Variants in CYRIB observed in about 807,000 individuals in gnomAD.
The protein encoded by CYRIB is CYFIP related Rac1 interactor B.
In CYRIB, 8 loss-of-function variants were observed where a neutral mutation model predicts 44.2. The ratio of observed to expected loss-of-function variants is 0.18; its 90% CI spans 0.11 to 0.33. The LOEUF is 0.33. Among genes scored for constraint, CYRIB ranks in the 10% least tolerant of loss-of-function variants. The pLI, the probability that CYRIB is intolerant of heterozygous loss-of-function variation, is 1.00. For missense variants in CYRIB, 185 were observed against 382.8 expected (o/e 0.48, Z 4.31); for synonymous variants, 131 against 127.2 (o/e 1.03, Z -0.20).
At chr8:129,884,899 G>A (rs1666723659) in intron 2 of CYRIB, among the ~76,000 whole-genome samples, 1 of 152,042 alleles carries the variant, frequency 6.6e-6, no homozygotes, top group African/African-American at 2.4e-5. Context: ...TTGTTTCCAC[G>A]TTGACAACTT....
chr8:129,920,742 C>T (rs1563946136), intron 1 of CYRIB, among the ~76,000 whole-genome samples: 1 of 152,092 alleles, frequency 6.6e-6, no homozygotes, highest in Non-Finnish European at 1.5e-5. Flanking sequence ...AATTTAATAC[C>T]TTACAAAAAC....
chr8:129,999,466 G>A (rs1394027284), intron 1 of CYRIB, among the ~76,000 whole-genome samples: 4 of 152,230 alleles, frequency 2.6e-5, no homozygotes, highest in Non-Finnish European at 5.9e-5. Context: ...CGCACCCAAG[G>A]ACCAGATGCA....
At chr8:129,983,089 GT>G (rs1213869198) in intron 1 of CYRIB, among the ~76,000 whole-genome samples, 1 of 151,036 alleles carries the variant, frequency 6.6e-6, no homozygotes, top group East Asian at 1.9e-4. Flanking sequence ...AGAGAGGATT[GT>G]TTGAGCCCAG....
At chr8:130,015,300 C>T (rs1032178190) in intron 1 of CYRIB, among the ~76,000 whole-genome samples, 1 of 152,198 alleles carries the variant, frequency 6.6e-6, no homozygotes, top group Admixed American at 6.5e-5. Flanking sequence ...TTTCTAGGTG[C>T]TGGGGATGCA....
intron 2 of CYRIB, among the ~76,000 whole-genome samples, chr8:129,963,404 G>A (rs1323959553): frequency 6.6e-6 from 1 of 152,206 alleles, no homozygotes; most frequent in Non-Finnish European, 1.5e-5. Flanking sequence ...ATGAAGCAAG[G>A]TGATCCATAC....
intron 9 of CYRIB, chr8:129,849,703 T>C (rs1004546545): frequency 5.0e-6 from 1 of 199,258 alleles, no homozygotes; most frequent in Non-Finnish European, 1.0e-5. Context: ...AGATGGTGAG[T>C]GGAACAGTCA....
intron 2 of CYRIB, among the ~76,000 whole-genome samples, chr8:129,967,508 T>G (rs1429424797): frequency 6.6e-6 from 1 of 151,930 alleles, no homozygotes; most frequent in African/African-American, 2.4e-5. Flanking sequence ...GCCTCCCGAG[T>G]AGCTGGGACT....
At chr8:129,895,063 G>A (rs1175033597) in intron 2 of CYRIB, among the ~76,000 whole-genome samples, 1 of 140,772 alleles carries the variant, frequency 7.1e-6, no homozygotes, top group Non-Finnish European at 1.5e-5. Flanking sequence ...TCTGCCTCCT[G>A]AGTAGCTGGG....
At chr8:129,981,074 T>C (rs190005701) in intron 1 of CYRIB, among the ~76,000 whole-genome samples, 7 of 152,156 alleles carry the variant, frequency 4.6e-5, no homozygotes, top group East Asian at 1.9e-4. Flanking sequence ...AAACGAACTA[T>C]GGTGTACTGA....
intron 1 of CYRIB, chr8:130,004,487 A>C (rs2096987768): frequency 6.6e-6 from 1 of 152,156 alleles, no homozygotes; most frequent in Non-Finnish European, 1.5e-5. Context: ...AAATAATATA[A>C]AAGTGTATTT....
chr8:129,951,705 C>CA (rs35141996), intron 2 of CYRIB, among the ~76,000 whole-genome samples: 185 of 144,990 alleles, frequency 1.3e-3, no homozygotes, highest in South Asian at 0.011. Flanking sequence ...GACTCCATCT[C>CA]AAAAAAAAAA....
chr8:129,954,729 G>T (rs2094699127), intron 2 of CYRIB, among the ~76,000 whole-genome samples: 1 of 152,212 alleles, frequency 6.6e-6, no homozygotes, highest in Admixed American at 6.5e-5. Flanking sequence ...CCAGGGGGAA[G>T]ATTAGAGGGA....
chr8:129,949,772 G>A (rs1478553616), intron 2 of CYRIB, among the ~76,000 whole-genome samples: 2 of 152,052 alleles, frequency 1.3e-5, no homozygotes, highest in African/African-American at 4.8e-5. Flanking sequence ...CAGCTACTCG[G>A]GAGGCTGAGG....
At chr8:129,849,537 CT>C in intron 9 of CYRIB, 168 bp from the exon 12 acceptor site, 1 of 578,074 alleles carries the variant, frequency 1.7e-6, no homozygotes, top group Non-Finnish European at 2.8e-6. Flanking sequence ...AATCTTATGT[CT>C]GTTTTCCTTT....
chr8:129,991,943 CAAAAAAAAAA>C (rs35897320), intron 1 of CYRIB, among the ~76,000 whole-genome samples: 13 of 19,206 alleles, frequency 6.8e-4, no homozygotes, highest in East Asian at 5.4e-3. Flanking sequence ...AGCAGAGTCG[CAAAAAAAAAA>C]AAAAAAAAAA....
chr8:129,878,462 A>G (rs2059878538), intron 3 of CYRIB, among the ~76,000 whole-genome samples: 1 of 152,218 alleles, frequency 6.6e-6, no homozygotes, highest in Non-Finnish European at 1.5e-5. Context: ...AAATCAGAAA[A>G]CATCTTAAAT....
intron 1 of CYRIB, among the ~76,000 whole-genome samples, chr8:129,932,984 C>A (rs1376925555): frequency 6.6e-6 from 1 of 152,114 alleles, no homozygotes; most frequent in African/African-American, 2.4e-5. Flanking sequence ...TGTTCACTAT[C>A]CTCTGGGCTG....
At chr8:129,918,374 C>T (rs1378030014) in intron 1 of CYRIB, among the ~76,000 whole-genome samples, 1 of 152,180 alleles carries the variant, frequency 6.6e-6, no homozygotes, top group Non-Finnish European at 1.5e-5. Flanking sequence ...TACCCGCACA[C>T]TAGAATGCTT....
At chr8:129,845,426 T>C (rs2039346984) in intron 11 of CYRIB, among the ~76,000 whole-genome samples, 1 of 152,198 alleles carries the variant, frequency 6.6e-6, no homozygotes, top group African/African-American at 2.4e-5. Flanking sequence ...GCAAAACCAC[T>C]GAAGTATGCG....
Sources: allele counts gnomAD v4.1 joint callset (sites outside exome capture counted in the v4.1 genomes callset), GRCh38; gene constraint gnomAD v4.1.1; transcripts MANE v1.5; gene names NCBI Gene and HGNC (gene_info 2026-07-23, HGNC 2026-07-21).